MED12L: variants seen among roughly 807,000 people sequenced by gnomAD.
The protein encoded by MED12L is mediator of RNA polymerase II transcription subunit 12-like protein.
MED12L carries 60 observed loss-of-function variants against 281.3 expected under a neutral mutation model. That is an observed-to-expected ratio of 0.21 (90% CI 0.17 to 0.26). The LOEUF is 0.26. Among genes scored for constraint, MED12L ranks in the 10% least tolerant of loss-of-function variants. MED12L has a pLI of 1.00. For synonymous variants in MED12L, 974 were observed against 987.2 expected (o/e 0.99, Z 0.25); for missense variants, 2,146 against 2,680.9 (o/e 0.80, Z 4.41).
chr3:151,305,541 C>T (rs919805193), intron 16 of MED12L, among the ~76,000 whole-genome samples: 3 of 152,046 alleles, frequency 2.0e-5, no homozygotes, highest in Non-Finnish European at 4.4e-5. Context: ...ACCCTAGGAC[C>T]TAGATATATT....
intron 26 of MED12L, among the ~76,000 whole-genome samples, 154 bp from the exon 27 acceptor site, chr3:151,372,413 C>T (rs1256718797): frequency 6.6e-6 from 1 of 152,212 alleles, no homozygotes; most frequent in Non-Finnish European, 1.5e-5. Context: ...CATTTATGCT[C>T]TTGATCCATT....
intron 37 of MED12L, among the ~76,000 whole-genome samples, chr3:151,389,002 C>G (rs1577535835): frequency 6.6e-6 from 1 of 152,096 alleles, no homozygotes; most frequent in East Asian, 1.9e-4. Context: ...TATTGTTTAC[C>G]TATGTGAGAA....
intron 5 of MED12L, among the ~76,000 whole-genome samples, chr3:151,129,540 C>G (rs1205184976): frequency 6.6e-6 from 1 of 151,760 alleles, no homozygotes; most frequent in Non-Finnish European, 1.5e-5. Context: ...AGAAGTGCCC[C>G]TTTTTATTAC....
At chr3:151,364,167 T>A (rs1754995792) in intron 21 of MED12L, among the ~76,000 whole-genome samples, 1 of 152,164 alleles carries the variant, frequency 6.6e-6, no homozygotes, top group African/African-American at 2.4e-5. Context: ...ATGGCTAAGT[T>A]TATATAGAAT....
intron 16 of MED12L, chr3:151,329,442 T>C (rs1230497453): frequency 2.2e-6 from 3 of 1,345,910 alleles, no homozygotes; most frequent in South Asian, 2.6e-5. Context: ...TTCTTTTATA[T>C]AAGCAAGCAC....
chr3:151,418,868 T>TAATTA (rs1453196908), intron 43 of MED12L, among the ~76,000 whole-genome samples: 2 of 152,236 alleles, frequency 1.3e-5, no homozygotes, highest in African/African-American at 4.8e-5. Flanking sequence ...TTAATTCTTT[T>TAATTA]AATTATGGAT....
At chr3:151,088,148 G>A (rs953762228) in intron 2 of MED12L, among the ~76,000 whole-genome samples, 1 of 152,122 alleles carries the variant, frequency 6.6e-6, no homozygotes, top group African/African-American at 2.4e-5. Flanking sequence ...GCTTGTTCTG[G>A]CTAAACTGTC....
At chr3:151,281,366 C>T (rs1179574327) in intron 16 of MED12L, among the ~76,000 whole-genome samples, 8 of 151,366 alleles carry the variant, frequency 5.3e-5, no homozygotes, top group East Asian at 3.9e-4. Context: ...GCTGAGATTG[C>T]GCCACTGTAC....
chr3:151,355,770 G>GT (rs1753841806), intron 18 of MED12L, 126 bp from the exon 19 acceptor site: 8 of 708,070 alleles, frequency 1.1e-5, no homozygotes, highest in Non-Finnish European at 1.7e-5. Flanking sequence ...ATAGAAACAC[G>GT]TTTTGACTTT....
rs555985211 is a variant in MED12L at position 151,148,480 on chromosome 3, A to G, written c.557-7681A>G. On this transcript the variant is annotated intron_variant, in intron 5 of 44. Transcript: ENST00000687756. ...TTTTTCTCTCATTCAGTCTGCACCA[A>G]CGTCAGGCTGGTTAAACCCTCTATG... 1.1e-4 allele frequency among the ~76,000 whole-genome samples: 16 copies of G among 152,344 alleles called. No individual in the cohort carries two copies. The East Asian group carries it at 1.5e-3, about 15-fold the overall frequency.
At chr3:151,404,707 G>GT (rs1716084910) in intron 39 of MED12L, among the ~76,000 whole-genome samples, 1 of 152,170 alleles carries the variant, frequency 6.6e-6, no homozygotes, top group Non-Finnish European at 1.5e-5. Context: ...TCTGGCTGTG[G>GT]TTTTTATAGA....
chr3:151,322,893 G>A (rs1749154041), intron 16 of MED12L, among the ~76,000 whole-genome samples: 2 of 151,924 alleles, frequency 1.3e-5, no homozygotes, highest in African/African-American at 4.8e-5. Flanking sequence ...TTATTCCCTA[G>A]ACCTCTAATC....
chr3:151,392,466 A>AG (rs1407918069), intron 38 of MED12L, among the ~76,000 whole-genome samples: 13 of 96,314 alleles, frequency 1.3e-4, no homozygotes, highest in Non-Finnish European at 2.8e-4. Flanking sequence ...CTCCATCTCA[A>AG]GAAAAAAAAA....
intron 5 of MED12L, among the ~76,000 whole-genome samples, chr3:151,153,637 C>T (rs145231865): frequency 0.02 from 2,631 of 130,296 alleles, 82 homozygotes; most frequent in African/African-American, 0.077. Context: ...GGTGTGATCT[C>T]GGCTCACTGC....
chr3:151,326,279 G>C lies in MED12L; in HGVS notation c.2251-23780G>C, dbSNP rs992680223. On this transcript the variant is annotated intron_variant, in intron 16 of 44. Coordinates refer to ENST00000687756, the MANE Select transcript of MED12L (RefSeq NM_001393769.1). ...ATCAATGAGAATTGGCTTCCCTTTT[G>C]CTTCTCTAATACATAAAATAAACCA... The C allele has an allele frequency of 4.6e-5, 7 of 152,510 alleles. No homozygotes were observed. The East Asian group carries it at 1.2e-3, about 25-fold the overall frequency. The allele number at this position is 152,510 out of a possible 1,614,324, so 9.4% of individuals were successfully genotyped here.
At chr3:151,257,990 T>C (rs953761599) in intron 16 of MED12L, among the ~76,000 whole-genome samples, 3 of 152,214 alleles carry the variant, frequency 2.0e-5, no homozygotes, top group African/African-American at 7.2e-5. Flanking sequence ...ACAATTTGTT[T>C]TGGCCACAAG....
At chr3:151,126,667 C>G (rs1714575467) in intron 4 of MED12L, among the ~76,000 whole-genome samples, 1 of 152,120 alleles carries the variant, frequency 6.6e-6, no homozygotes, top group African/African-American at 2.4e-5. Context: ...GACAGAGAGA[C>G]CAGGGCTCTT....
chr3:151,159,566 T>C (rs1299207315), intron 7 of MED12L, among the ~76,000 whole-genome samples: 1 of 152,202 alleles, frequency 6.6e-6, no homozygotes, highest in Non-Finnish European at 1.5e-5. Context: ...TTTATGTTGA[T>C]TACCTGTTGA....
intron 2 of MED12L, among the ~76,000 whole-genome samples, chr3:151,105,901 A>T (rs908671697): frequency 2.0e-5 from 3 of 152,148 alleles, no homozygotes; most frequent in Non-Finnish European, 4.4e-5. Context: ...AGCCCCCAAC[A>T]TGGGGGAGAT....
Sources: allele counts gnomAD v4.1 joint callset (sites outside exome capture counted in the v4.1 genomes callset), GRCh38; gene constraint gnomAD v4.1.1; transcripts MANE v1.5; gene names NCBI Gene and HGNC (gene_info 2026-07-23, HGNC 2026-07-21).